Variants in ZNF185 observed in about 807,000 individuals in gnomAD.
The protein encoded by ZNF185 is zinc finger protein 185 with LIM domain.
ZNF185 carries 56 observed loss-of-function variants against 58.6 expected under a neutral mutation model. The ratio of observed to expected loss-of-function variants is 0.95; its 90% CI spans 0.77 to 1.19. ZNF185 has a LOEUF of 1.19. Ranked by LOEUF, ZNF185 falls within the 50% of genes most tolerant of loss-of-function variation. The pLI, the probability that ZNF185 is intolerant of heterozygous loss-of-function variation, is 0.00. For missense variants in ZNF185, 627 were observed against 573.5 expected (o/e 1.09, Z -0.95); for synonymous variants, 230 against 215.9 (o/e 1.07, Z -0.57).
At chrX:152,922,106 C>T (rs1469771500) in intron 9 of ZNF185, 67 bp from the exon 11 acceptor site, 47 of 1,085,706 alleles carry the variant, frequency 4.3e-5, no homozygotes, top group Non-Finnish European at 5.5e-5. Context: ...GAAGCATGTT[C>T]TTTGAGGCCT....
At chrX:152,938,275 C>A in intron 15 of ZNF185, 112 bp downstream of exon 17, 1 of 734,886 alleles carries the variant, frequency 1.4e-6, no homozygotes, top group Non-Finnish European at 2.0e-6. Flanking sequence ...TGTGAGCTGG[C>A]CTGAGGCACA....
chrX:152,941,526 G>C (rs782789580), intron 15 of ZNF185: 2 of 422,382 alleles, frequency 4.7e-6, no homozygotes, highest in East Asian at 2.0e-4. Context: ...TCTGGGTAGC[G>C]GGCACAGGAC....
At chrX:152,938,097 C>G (rs782115336) in exon 15 of ZNF185, 20 of 1,180,178 alleles carry the variant, frequency 1.7e-5, no homozygotes, top group Non-Finnish European at 2.3e-5. Context: ...TCAGTCTCTG[C>G]TGTCCCTGCT....
chrX:152,912,187 C>G (rs1163885771), upstream of ZNF185, among the ~76,000 whole-genome samples: 3 of 112,379 alleles, frequency 2.7e-5, no homozygotes, highest in African/African-American at 6.5e-5. Flanking sequence ...TGAGACTCAG[C>G]CAGGCGTGAG....
At chrX:152,969,543 A>G (rs993465511) in intron 21 of ZNF185, 59 bp downstream of exon 23, 80 of 960,543 alleles carry the variant, frequency 8.3e-5, no homozygotes, top group Non-Finnish European at 1.1e-4. Context: ...ACGTGCTGCT[A>G]AGAACGTTTT....
intron 17 of ZNF185, among the ~76,000 whole-genome samples, chrX:152,962,505 T>A (rs1298693970): frequency 8.9e-6 from 1 of 112,043 alleles, no homozygotes; most frequent in African/African-American, 3.2e-5. Context: ...GTAGGAGGTC[T>A]TCCTTCCTTC....
chrX:152,967,280 G>A, intron 20 of ZNF185, 42 bp downstream of exon 22: 1 of 1,139,591 alleles, frequency 8.8e-7, no homozygotes, highest in Middle Eastern at 2.4e-4. Context: ...CTTCTACAGA[G>A]GAGAATCAGG....
the ZNF185 span, among the ~76,000 whole-genome samples, chrX:152,901,270 C>T: frequency 1.8e-4 from 18 of 99,115 alleles, no homozygotes; most frequent in African/African-American, 7.0e-4. Flanking sequence ...GAGCTGGGGT[C>T]TCGCCTTGTC....
At chrX:152,901,253 T>G in the ZNF185 span, among the ~76,000 whole-genome samples, 20 of 107,562 alleles carry the variant, frequency 1.9e-4, no homozygotes, top group East Asian at 1.7e-3. Context: ...TTTTTTTTTT[T>G]TTGTTAGAGC....
At chrX:152,951,867 A>AT (rs1392610037) in intron 16 of ZNF185, among the ~76,000 whole-genome samples, 1 of 112,326 alleles carries the variant, frequency 8.9e-6, no homozygotes, top group East Asian at 2.8e-4. Flanking sequence ...GTGACTAAGT[A>AT]TTTTATCTTC....
At chrX:152,903,252 G>A in the ZNF185 span, among the ~76,000 whole-genome samples, 1 of 108,586 alleles carries the variant, frequency 9.2e-6, no homozygotes, top group Non-Finnish European at 1.9e-5. Flanking sequence ...AGCCAGGTGT[G>A]GTGGCAGGCG....
intron 12 of ZNF185, among the ~76,000 whole-genome samples, chrX:152,930,145 G>A (rs782043138): frequency 8.9e-5 from 10 of 112,175 alleles, no homozygotes; most frequent in Non-Finnish European, 1.7e-4. Flanking sequence ...AGGCAGATCC[G>A]CTCAGCCTGC....
rs552968548 is a variant in ZNF185 at position 152,918,269 on chromosome X, G to A, written c.431+115G>A. The stretch of plus-strand genomic sequence containing the variant: ...CACCGAGCACAGCCCGGGAAGTCCC[G>A]CCTGCCTGACACTCCCTGCCAGTTG... On this transcript the variant is annotated intron_variant, in intron 6 of 22. Coordinates refer to ENST00000449285, the Ensembl canonical transcript of ZNF185. 6.5e-4 allele frequency: 574 copies of A among 885,044 alleles called. 2 individuals carry two copies. In the South Asian group the frequency reaches 0.011, roughly 17 times the overall value. 72.9% of individuals were successfully genotyped at this position (885,044 alleles called of 1,213,427 possible).
the ZNF185 span, among the ~76,000 whole-genome samples, chrX:152,901,397 C>T: frequency 2.7e-5 from 3 of 109,565 alleles, no homozygotes; most frequent in African/African-American, 1.0e-4. Flanking sequence ...GCACTACAGG[C>T]GAGTGCCACC....
At chrX:152,934,028 C>T (rs377152794) in intron 14 of ZNF185, among the ~76,000 whole-genome samples, 1 of 112,852 alleles carries the variant, frequency 8.9e-6, no homozygotes, top group African/African-American at 3.2e-5. Flanking sequence ...CTTTAAGCTG[C>T]CACTAATGGG....
At chrX:152,914,028 G>A (rs1389640637), upstream of ZNF185, among the ~76,000 whole-genome samples, 1 of 110,938 alleles carries the variant, frequency 9.0e-6, no homozygotes. Flanking sequence ...CAGGCCATCT[G>A]CCTGCCCTGA....
rs56986501 is a variant in ZNF185, at chrX:152,930,410, C to T, written c.918-1262C>T. ...GACAGAATAGAGCTGAAATCATGAGCGTAAACTAGCTTTACATGGGGCTCA... is the reference window on the plus strand; with the variant it reads ...GACAGAATAGAGCTGAAATCATGAGTGTAAACTAGCTTTACATGGGGCTCA... On this transcript the variant is annotated intron_variant, in intron 12 of 22. Coordinates refer to ENST00000449285, the Ensembl canonical transcript of ZNF185. 1.6e-4 allele frequency among the ~76,000 whole-genome samples: 18 copies of T among 111,918 alleles called. No individual in the cohort carries two copies. In the East Asian group the frequency reaches 3.1e-3, roughly 19 times the overall value.
intron 11 of ZNF185, among the ~76,000 whole-genome samples, chrX:152,926,554 C>G (rs1471018833): frequency 8.9e-6 from 1 of 112,889 alleles, no homozygotes; most frequent in Non-Finnish European, 1.9e-5. Context: ...CAGTTGGTCG[C>G]ATTCCCACAG....
chrX:152,965,647 C>A, intron 19 of ZNF185, 120 bp downstream of exon 21: 1 of 574,086 alleles, frequency 1.7e-6, no homozygotes, highest in South Asian at 3.2e-5. Context: ...GGGTAATTGT[C>A]GAGTGGATGA....
Sources: gnomAD v4.1 joint callset for allele counts (sites outside exome capture counted in the v4.1 genomes callset) on GRCh38, gnomAD v4.1.1 for gene constraint, MANE v1.5 for transcripts, NCBI Gene and HGNC (gene_info 2026-07-23, HGNC 2026-07-21) for gene names.